Variants in CACNA1H observed in about 807,000 individuals in gnomAD.
CACNA1H encodes the protein voltage-dependent T-type calcium channel subunit alpha-1H.
In CACNA1H, 149 loss-of-function variants were observed where a neutral mutation model predicts 192.5. The ratio of observed to expected loss-of-function variants is 0.77; its 90% CI spans 0.68 to 0.89. The LOEUF is 0.89. Ranked by LOEUF, CACNA1H falls within the 40% of genes least tolerant of loss-of-function variation. The pLI is 0.00. For synonymous variants in CACNA1H, 2,202 were observed against 1,475.2 expected (o/e 1.49, Z -11.29); for missense variants, 4,257 against 3,423.5 (o/e 1.24, Z -6.08).
rs1025457819 is a variant in CACNA1H, at chr16:1,181,875, C to T, written c.300-13097C>T. On this transcript the variant is annotated intron_variant, in intron 2 of 34. Transcript: ENST00000348261. ...CATCACACACCCACACCCGGACACG[C>T]GCCTCAGGTCCCCACACTGCCCTTA... Among the ~76,000 whole-genome samples the T allele has an allele frequency of 3.3e-5, 5 of 152,194 alleles. 1 individual carries two copies. The highest frequency in any genetic ancestry group is 4.1e-4 in the South Asian group (2 of 4,830).
intron 2 of CACNA1H, among the ~76,000 whole-genome samples, chr16:1,190,891 C>G (rs935079182): frequency 6.6e-6 from 1 of 151,656 alleles, no homozygotes; most frequent in Non-Finnish European, 1.5e-5. Flanking sequence ...ACCCAGCAGG[C>G]TGGCCTGGCT....
intron 4 of CACNA1H, 112 bp from the exon 5 acceptor site, chr16:1,195,814 C>A (rs1053290820): frequency 1.0e-6 from 1 of 965,812 alleles, no homozygotes; most frequent in Non-Finnish European, 1.7e-6. Context: ...ACAAGGTCCT[C>A]CGGGTGCCGG....
rs761812532 is a variant in CACNA1H, at chr16:1,153,953, C to T, written c.216C>T (p.Tyr72=). The change falls in exon 2 of 35, where the codon TAC becomes TAT. Residue 72 remains tyrosine (Y), a synonymous_variant. Transcript: ENST00000348261. ...LGADEEQRVP[Y]PALAATVFFC... is the part of the protein sequence containing the mutation. Reference sequence around the variant, plus strand: ...CCGACGAGGAGCAGCGCGTCCCGTACCCGGCCTTGGCGGCCACGGTCTTCT... The same window carrying T: ...CCGACGAGGAGCAGCGCGTCCCGTATCCGGCCTTGGCGGCCACGGTCTTCT... 6.9e-7 allele frequency: 1 copy of T among 1,453,114 alleles called. No homozygotes were observed. Among genetic ancestry groups the T allele is most frequent in the South Asian group, 1.3e-5 (1 of 76,462 alleles). The allele number at this position is 1,453,114 out of a possible 1,614,324, so 90.0% of individuals were successfully genotyped here.
Position 1,165,960 on chromosome 16 carries a change from CATCTTTTAATT to C in CACNA1H, c.299+11925_299+11935del, listed in dbSNP as rs1186681624. On this transcript the variant is annotated intron_variant, in intron 2 of 34. Coordinates refer to ENST00000348261, the MANE Select transcript of CACNA1H (RefSeq NM_021098.3). ...AGAGTGGTGGGCACACCGGCCCGTGCATCTTTTAATTGTGGTGGCTCTTTCTGGGCTGAGGT... is the reference window on the plus strand; with the variant it reads ...AGAGTGGTGGGCACACCGGCCCGTGCGTGGTGGCTCTTTCTGGGCTGAGGT... 2.2e-3 allele frequency among the ~76,000 whole-genome samples: 337 copies of C among 152,276 alleles called. 2 individuals carry two copies. Among genetic ancestry groups the C allele is most frequent in the African/African-American group, 7.5e-3 (313 of 41,556 alleles).
intron 2 of CACNA1H, among the ~76,000 whole-genome samples, chr16:1,174,564 A>G (rs1183835671): frequency 6.6e-6 from 1 of 151,800 alleles, no homozygotes; most frequent in East Asian, 1.9e-4. Context: ...CTCGAAGGGA[A>G]GCCCCTGCCA....
Position 1,221,110 on chromosome 16 carries a change from G to A in CACNA1H, c.*116G>A. ...ACTTGGGTCCCGTCGTGAGCAGAAA[G>A]GCCCGGGGAGGATGACGGCCCAGGC... is the stretch of plus-strand genomic sequence containing the variant. On this transcript the variant is annotated 3_prime_UTR_variant, in exon 35 of 35. Coordinates refer to ENST00000348261, the MANE Select transcript of CACNA1H (RefSeq NM_021098.3). The A allele has an allele frequency of 3.9e-6, 3 of 778,150 alleles. No homozygotes were observed. The highest frequency in any genetic ancestry group is 4.0e-6 in the Non-Finnish European group (2 of 502,088). The allele number at this position is 778,150 out of a possible 1,614,324, so 48.2% of individuals were successfully genotyped here.
chr16:1,155,012 C>T (rs779165014), intron 2 of CACNA1H, among the ~76,000 whole-genome samples: 10 of 152,176 alleles, frequency 6.6e-5, no homozygotes, highest in Non-Finnish European at 1.5e-4. Context: ...AGACCCTGCC[C>T]GCAGACGTCC....
intron 2 of CACNA1H, among the ~76,000 whole-genome samples, chr16:1,184,799 G>A (rs895963782): frequency 2.0e-5 from 3 of 152,262 alleles, no homozygotes; most frequent in Admixed American, 6.5e-5. Context: ...AGACAGGTGC[G>A]GGGCTCCAGC....
intron 34 of CACNA1H, among the ~76,000 whole-genome samples, chr16:1,219,392 C>T (rs1250329638): frequency 6.6e-6 from 1 of 152,182 alleles, no homozygotes; most frequent in Non-Finnish European, 1.5e-5. Flanking sequence ...AGCTTCAGGC[C>T]CCACGGTGGG....
Position 1,200,724 on chromosome 16 carries a change from G to T in CACNA1H, c.1128G>T (p.Thr376=). 3 of 1,561,842 alleles carry T rather than the reference G, an allele frequency of 1.9e-6. No homozygotes were observed. The highest frequency in any genetic ancestry group is 2.6e-6 in the Non-Finnish European group (3 of 1,152,942). ...YAWIAIFQVI[T]LEGWVDIMYY... ...AGCCACTGCCCCCCCAGGTGATCAC[G>T]CTGGAAGGCTGGGTGGACATCATGT... Residue 376 remains threonine (T), a synonymous_variant, in exon 8 of 35, where the codon ACG becomes ACT. Coordinates refer to ENST00000348261, the MANE Select transcript of CACNA1H (RefSeq NM_021098.3).
chr16:1,216,180 C>T (rs930700847), intron 30 of CACNA1H, among the ~76,000 whole-genome samples: 2 of 152,236 alleles, frequency 1.3e-5, no homozygotes, highest in Non-Finnish European at 2.9e-5. Flanking sequence ...GCACCTCCTC[C>T]TGTTCCCACC....
intron 2 of CACNA1H, among the ~76,000 whole-genome samples, chr16:1,165,010 G>A (rs867461147): frequency 6.6e-6 from 1 of 152,182 alleles, no homozygotes; most frequent in African/African-American, 2.4e-5. Flanking sequence ...ATTTGTCTCC[G>A]TGGGGTTCTG....
intron 16 of CACNA1H, 117 bp downstream of exon 16, chr16:1,208,338 G>C: frequency 1.4e-6 from 1 of 731,042 alleles, no homozygotes; most frequent in Non-Finnish European, 2.3e-6. Flanking sequence ...TGAAGTCCCA[G>C]CCTGTGCAGA....
At chr16:1,219,411 G>A (rs540438562) in intron 34 of CACNA1H, among the ~76,000 whole-genome samples, 77 of 151,842 alleles carry the variant, frequency 5.1e-4, no homozygotes, top group African/African-American at 1.6e-3. Flanking sequence ...GGCAGACAGC[G>A]GTTTCTCAGG....
At chr16:1,207,508 T>G in intron 14 of CACNA1H, 78 bp downstream of exon 14, 2 of 1,443,842 alleles carry the variant, frequency 1.4e-6, no homozygotes, top group East Asian at 2.4e-5. Context: ...GGGAGGGGTG[T>G]GGGGGGCCTG....
intron 2 of CACNA1H, among the ~76,000 whole-genome samples, chr16:1,184,020 G>A (rs1336488350): frequency 6.6e-6 from 1 of 152,224 alleles, no homozygotes. Flanking sequence ...GCCAGGGACA[G>A]AAGAGTCAAG....
In CACNA1H at chr16:1,211,965, C is replaced by T. The variant is rs1057522839; in HGVS notation, c.4586C>T (p.Pro1529Leu). The stretch of plus-strand genomic sequence containing the variant: ...CCACAGCCTGTGCAGAACCACAACC[C>T]CTGGATGCTGCTGTACTTCATCTCC... The part of the protein sequence containing the change: ...VDQQPVQNHN[P>L]WMLLYFISFL... The change falls in exon 25 of 35, where the codon CCC becomes CTC. Residue 1529 changes from proline (P) to leucine (L), a missense_variant. Transcript: ENST00000348261. 3.1e-6 allele frequency: 5 copies of T among 1,613,404 alleles called. No homozygotes were observed. Among genetic ancestry groups the T allele is most frequent in the East Asian group, 4.5e-5 (2 of 44,890 alleles).
chr16:1,206,666 C>G (rs928933912), intron 12 of CACNA1H: 2 of 423,174 alleles, frequency 4.7e-6, no homozygotes. Flanking sequence ...GCTAGGCAGC[C>G]AGGCAGGCCG....
At chr16:1,182,492 C>T (rs373067001) in intron 2 of CACNA1H, among the ~76,000 whole-genome samples, 14 of 152,166 alleles carry the variant, frequency 9.2e-5, no homozygotes, top group Non-Finnish European at 1.9e-4. Context: ...TCCTGTGACC[C>T]GCGGCGCCGG....
Sources: gnomAD v4.1 joint callset for allele counts (sites outside exome capture counted in the v4.1 genomes callset) on GRCh38, gnomAD v4.1.1 for gene constraint, MANE v1.5 for transcripts, NCBI Gene and HGNC (gene_info 2026-07-23, HGNC 2026-07-21) for gene names.